CNKSR3: variants seen among roughly 807,000 people sequenced by gnomAD.
The protein encoded by CNKSR3 is CNKSR family member 3.
In CNKSR3, 36 loss-of-function variants were observed where a neutral mutation model predicts 67.7. The observed-to-expected ratio is 0.53, with a 90% CI of 0.41 to 0.70. The LOEUF (loss-of-function observed/expected upper bound fraction) is 0.70. Ranked by LOEUF, CNKSR3 falls within the 30% of genes least tolerant of loss-of-function variation. CNKSR3 has a pLI of 0.00. For synonymous variants in CNKSR3, 281 were observed against 271.4 expected (o/e 1.04, Z -0.35); for missense variants, 630 against 695.2 (o/e 0.91, Z 1.05).
At chr6:154,489,833 C>T (rs1786751478) in intron 1 of CNKSR3, among the ~76,000 whole-genome samples, 1 of 152,158 alleles carries the variant, frequency 6.6e-6, no homozygotes, top group Non-Finnish European at 1.5e-5. Flanking sequence ...AAATTACATA[C>T]TAAGCTAGAA....
At chr6:154,480,339 A>G (rs918777626) in intron 1 of CNKSR3, among the ~76,000 whole-genome samples, 2 of 152,176 alleles carry the variant, frequency 1.3e-5, no homozygotes, top group Admixed American at 1.3e-4. Context: ...GCTCAAGGTC[A>G]TACTACCATT....
At chr6:154,474,935 C>G (rs746923014) in intron 1 of CNKSR3, among the ~76,000 whole-genome samples, 10 of 152,180 alleles carry the variant, frequency 6.6e-5, no homozygotes, top group Non-Finnish European at 1.3e-4. Flanking sequence ...GACTGCGGGC[C>G]TCAGGAGGCT....
intron 1 of CNKSR3, among the ~76,000 whole-genome samples, chr6:154,466,162 G>A (rs916857600): frequency 6.6e-6 from 1 of 152,232 alleles, no homozygotes; most frequent in African/African-American, 2.4e-5. Context: ...CAAGTTTTCT[G>A]TGTGCCATTC....
intron 1 of CNKSR3, among the ~76,000 whole-genome samples, chr6:154,495,356 CTTTT>C (rs149762490): frequency 7.7e-6 from 1 of 129,612 alleles, no homozygotes; most frequent in East Asian, 2.2e-4. Context: ...GAATTCAACA[CTTTT>C]TTTTTTTTTT....
At chr6:154,492,344 T>A (rs1278749298) in intron 1 of CNKSR3, among the ~76,000 whole-genome samples, 1 of 110,936 alleles carries the variant, frequency 9.0e-6, no homozygotes, top group African/African-American at 5.4e-5. Context: ...GGTCATCCAG[T>A]CTCAAAGATT....
rs1315121060 is a variant in CNKSR3, at chr6:154,397,974, A to T, written c.*8380T>A. 1.3e-5 allele frequency: 2 copies of T among 152,326 alleles called. No individual in the cohort carries two copies. Among genetic ancestry groups the T allele is most frequent in the African/African-American group, 4.8e-5 (2 of 41,474 alleles). 9.4% of individuals were successfully genotyped at this position (152,326 alleles called of 1,614,324 possible). ...TCGCTAAAAAGACAAAGGAAGAAAA[A>T]GTATGGTCTCTGTCCTCAGGGCATT... On this transcript the variant is annotated 3_prime_UTR_variant, in exon 13 of 13. Coordinates refer to ENST00000607772, the MANE Select transcript of CNKSR3 (RefSeq NM_173515.4).
chr6:154,475,291 C>T (rs1438102346), intron 1 of CNKSR3, among the ~76,000 whole-genome samples: 1 of 152,110 alleles, frequency 6.6e-6, no homozygotes, highest in Non-Finnish European at 1.5e-5. Context: ...CACGCCTGGC[C>T]CTTCTCCACC....
chr6:154,458,617 GC>G (rs1362523011), intron 1 of CNKSR3, among the ~76,000 whole-genome samples: 8 of 151,998 alleles, frequency 5.3e-5, no homozygotes, highest in Admixed American at 5.2e-4. Context: ...CCTCCCTACA[GC>G]CCCGTCCCCA....
intron 1 of CNKSR3, among the ~76,000 whole-genome samples, chr6:154,503,206 CAA>C (rs1321017835): frequency 6.6e-6 from 1 of 152,130 alleles, no homozygotes; most frequent in Non-Finnish European, 1.5e-5. Flanking sequence ...TGTGACTAGC[CAA>C]AAGCCCATCT....
At chr6:154,454,249 C>T (rs1785905364) in intron 1 of CNKSR3, among the ~76,000 whole-genome samples, 1 of 152,114 alleles carries the variant, frequency 6.6e-6, no homozygotes, top group African/African-American at 2.4e-5. Flanking sequence ...TAATACTACC[C>T]ACTACATAGA....
chr6:154,397,492 A>T lies in CNKSR3; in HGVS notation c.*8862T>A, dbSNP rs1034407392. The T allele has an allele frequency of 6.6e-6, 1 of 152,260 alleles. No individual in the cohort carries two copies. The highest frequency in any genetic ancestry group is 1.5e-5 in the Non-Finnish European group (1 of 68,046). 9.4% of individuals were successfully genotyped at this position (152,260 alleles called of 1,614,324 possible). ...GTTTATCATTGGCATGGCCATGAACACAAACAATATAAAATGCCAATTTAA... is the reference window on the plus strand; with the variant it reads ...GTTTATCATTGGCATGGCCATGAACTCAAACAATATAAAATGCCAATTTAA... On this transcript the variant is annotated 3_prime_UTR_variant, in exon 13 of 13. Coordinates refer to ENST00000607772, the MANE Select transcript of CNKSR3 (RefSeq NM_173515.4).
chr6:154,430,357 C>A, intron 6 of CNKSR3, 115 bp downstream of exon 6: 1 of 903,896 alleles, frequency 1.1e-6, no homozygotes, highest in Non-Finnish European at 1.6e-6. Context: ...GGAAGGCAGT[C>A]TAAATTAATT....
intron 1 of CNKSR3, among the ~76,000 whole-genome samples, chr6:154,465,313 T>C (rs1786174203): frequency 6.7e-6 from 1 of 149,782 alleles, no homozygotes. Flanking sequence ...GAACTCAAAT[T>C]TCCTCTAATA....
intron 1 of CNKSR3, among the ~76,000 whole-genome samples, chr6:154,465,496 C>T (rs1265557847): frequency 6.6e-6 from 1 of 151,978 alleles, no homozygotes; most frequent in East Asian, 1.9e-4. Flanking sequence ...TATAACTGTC[C>T]CACCTGGAGC....
At position 154,406,319 on chromosome 6, in the gene CNKSR3, C is replaced by T. The variant is rs1305797500; in HGVS notation, c.*35G>A. The T allele has an allele frequency of 6.3e-7, 1 of 1,576,280 alleles. No individual in the cohort carries two copies. The highest frequency in any genetic ancestry group is 8.6e-7 in the Non-Finnish European group (1 of 1,160,712). ...CACTGTAAAAGCAAGGCACTTGGGG[C>T]AGGAGCCAGGCAGGTGGCCTGAGCA... On this transcript the variant is annotated 3_prime_UTR_variant, in exon 13 of 13. Coordinates refer to ENST00000607772, the MANE Select transcript of CNKSR3 (RefSeq NM_173515.4).
chr6:154,480,114 G>C (rs1245268274), intron 1 of CNKSR3, among the ~76,000 whole-genome samples: 1 of 152,194 alleles, frequency 6.6e-6, no homozygotes, highest in African/African-American at 2.4e-5. Flanking sequence ...TGAGAACCAG[G>C]CACCAGATGT....
intron 9 of CNKSR3, among the ~76,000 whole-genome samples, chr6:154,416,729 C>A (rs539340560): frequency 2.6e-5 from 4 of 152,280 alleles, no homozygotes; most frequent in Non-Finnish European, 5.9e-5. Flanking sequence ...AGAGAAACCC[C>A]CAGGGCTGGG....
chr6:154,430,439 T>C (rs374105416), intron 6 of CNKSR3, 33 bp downstream of exon 6: 6 of 1,574,862 alleles, frequency 3.8e-6, no homozygotes, highest in Non-Finnish European at 5.2e-6. Context: ...ATGTATGTTA[T>C]CTGAAAATAA....
chr6:154,510,339 T>G lies in CNKSR3; in HGVS notation c.-225A>C. ...GCCACAGTCCAGCTGCAGCTCCTCCTTCCCCCGCCGCCGCCGGGATCCCGG... is the reference window on the plus strand; with the variant it reads ...GCCACAGTCCAGCTGCAGCTCCTCCGTCCCCCGCCGCCGCCGGGATCCCGG... On this transcript the variant is annotated 5_prime_UTR_variant, in exon 1 of 13. Transcript: ENST00000607772. 7.2e-5 allele frequency: 38 copies of G among 526,226 alleles called. No homozygotes were observed. Among genetic ancestry groups the G allele is most frequent in the Non-Finnish European group, 9.7e-5 (29 of 299,498 alleles). The allele number at this position is 526,226 out of a possible 1,614,324, so 32.6% of individuals were successfully genotyped here.
Sources: allele counts gnomAD v4.1 joint callset (sites outside exome capture counted in the v4.1 genomes callset), GRCh38; gene constraint gnomAD v4.1.1; transcripts MANE v1.5; gene names NCBI Gene and HGNC (gene_info 2026-07-23, HGNC 2026-07-21).